The following NECTIN3 variants were observed in gnomAD, a reference collection of about 807,000 sequenced individuals.
The protein encoded by NECTIN3 is nectin-3.
In NECTIN3, 8 loss-of-function variants were observed where a neutral mutation model predicts 49.4. The ratio of observed to expected loss-of-function variants is 0.16; its 90% CI spans 0.10 to 0.29. The LOEUF (loss-of-function observed/expected upper bound fraction) is 0.29, where lower values mean the gene tolerates loss of function less well. Among genes scored for constraint, NECTIN3 ranks in the 10% least tolerant of loss-of-function variants. NECTIN3 has a pLI of 1.00. For synonymous variants in NECTIN3, 277 were observed against 241.1 expected (o/e 1.15, Z -1.38); for missense variants, 581 against 654.6 (o/e 0.89, Z 1.23).
chr3:111,154,021 A>G (rs2035050268), intron 7 of NECTIN3, among the ~76,000 whole-genome samples: 1 of 152,186 alleles, frequency 6.6e-6, no homozygotes, highest in Admixed American at 6.5e-5. Flanking sequence ...AGTAAACTGC[A>G]CATATTAAGA....
At chr3:111,105,794 C>T (rs1457103732) in intron 1 of NECTIN3, among the ~76,000 whole-genome samples, 1 of 152,198 alleles carries the variant, frequency 6.6e-6, no homozygotes, top group Non-Finnish European at 1.5e-5. Context: ...ACTTCGTCTA[C>T]TGCCTCTGAG....
At chr3:111,176,356 G>C (rs1436975388) in intron 7 of NECTIN3, among the ~76,000 whole-genome samples, 1 of 152,170 alleles carries the variant, frequency 6.6e-6, no homozygotes, top group Non-Finnish European at 1.5e-5. Context: ...CACTGGTGCT[G>C]TGAACTTTCA....
chr3:111,159,700 TA>T (rs2035171046), intron 7 of NECTIN3, among the ~76,000 whole-genome samples: 1 of 152,156 alleles, frequency 6.6e-6, no homozygotes, highest in African/African-American at 2.4e-5. Context: ...GCTTTCAGCT[TA>T]AAACACTTCG....
intron 7 of NECTIN3, among the ~76,000 whole-genome samples, chr3:111,176,379 A>G (rs2035528602): frequency 6.6e-6 from 1 of 152,126 alleles, no homozygotes; most frequent in Non-Finnish European, 1.5e-5. Flanking sequence ...CTAATCACTG[A>G]TGCTCTCTGG....
intron 2 of NECTIN3, among the ~76,000 whole-genome samples, chr3:111,115,636 G>A (rs1046581404): frequency 2.0e-5 from 3 of 152,144 alleles, no homozygotes; most frequent in Non-Finnish European, 2.9e-5. Flanking sequence ...CCTAACTCAC[G>A]GCTGACCTGA....
intron 1 of NECTIN3, chr3:111,072,735 A>G (rs917012462): frequency 2.5e-5 from 18 of 710,538 alleles, no homozygotes; most frequent in Middle Eastern, 3.9e-4. Flanking sequence ...CTCTGCCCTG[A>G]CAGCTTCTGG....
rs374450333 is a variant in NECTIN3, at chr3:111,180,830, T to G, written c.1222-11521T>G. ...TTTATTAAGAATTTAATATGTACTTTTTTCGTAGCAGATTCCAGACTATGT... is the reference window on the plus strand; with the variant it reads ...TTTATTAAGAATTTAATATGTACTTGTTTCGTAGCAGATTCCAGACTATGT... On this transcript the variant is annotated intron_variant, in intron 7 of 8. Transcript: ENST00000493615. Among the ~76,000 whole-genome samples the G allele has an allele frequency of 1.2e-4, 18 of 152,336 alleles. No homozygotes were observed. In the East Asian group the frequency reaches 1.9e-3, roughly 16 times the overall value.
At chr3:111,119,462 G>A (rs562587017) in intron 3 of NECTIN3, among the ~76,000 whole-genome samples, 1 of 152,258 alleles carries the variant, frequency 6.6e-6, no homozygotes, top group East Asian at 1.9e-4. Flanking sequence ...CTCCCAAGTA[G>A]CTGGGATTAC....
chr3:111,087,832 G>A (rs2032023607), intron 1 of NECTIN3, among the ~76,000 whole-genome samples: 1 of 151,768 alleles, frequency 6.6e-6, no homozygotes, highest in African/African-American at 2.4e-5. Context: ...TGAGTAGCTG[G>A]GATTACAGGC....
intron 2 of NECTIN3, among the ~76,000 whole-genome samples, chr3:111,116,561 A>G (rs922879143): frequency 5.9e-5 from 9 of 152,102 alleles, no homozygotes; most frequent in Non-Finnish European, 1.3e-4. Flanking sequence ...TAGAGTTTCA[A>G]TGGAGTGGTA....
chr3:111,181,049 G>A (rs2035619108), intron 7 of NECTIN3, among the ~76,000 whole-genome samples: 1 of 152,034 alleles, frequency 6.6e-6, no homozygotes, highest in Non-Finnish European at 1.5e-5. Flanking sequence ...ATTGCCCCAA[G>A]CAAGAACTTT....
Position 111,135,619 on chromosome 3 carries a change from AAGTT to A in NECTIN3, c.*1408_*1411del, listed in dbSNP as rs2034549985. 1.0e-6 allele frequency: 1 copy of A among 963,576 alleles called. No homozygotes were observed. The highest frequency in any genetic ancestry group is 1.8e-5 in the African/African-American group (1 of 56,778). 59.7% of individuals were successfully genotyped at this position (963,576 alleles called of 1,614,324 possible). The stretch of plus-strand genomic sequence containing the variant: ...CCATTTTGCCAGTGAAATGAAGTGG[AAGTT>A]AGTAGGAGAATCATAAATTAAATAT... On this transcript the variant is annotated 3_prime_UTR_variant, in exon 6 of 6. Transcript: ENST00000485303.
intron 1 of NECTIN3, among the ~76,000 whole-genome samples, chr3:111,094,206 A>G (rs997935598): frequency 2.0e-5 from 3 of 152,072 alleles, no homozygotes; most frequent in African/African-American, 7.2e-5. Flanking sequence ...CTGTGACAAT[A>G]CTTTTATATC....
rs369377020 is a variant in NECTIN3, at chr3:111,136,441, T to G, written c.*2226T>G. The G allele has an allele frequency of 5.3e-5, 52 of 984,210 alleles. No homozygotes were observed. The East Asian group carries it at 1.8e-3, about 34-fold the overall frequency. 61.0% of individuals were successfully genotyped at this position (984,210 alleles called of 1,614,324 possible). A position where few individuals can be genotyped will look rare whatever the true frequency, so the allele number is the denominator to read the frequency against. On this transcript the variant is annotated 3_prime_UTR_variant, in exon 6 of 6. Coordinates refer to ENST00000485303, the MANE Select transcript of NECTIN3 (RefSeq NM_015480.3). ...TATTTGACATATTCTGTATCCTTAA[T>G]CCAATCATTTGGCAAACTAAAAGGT...
At chr3:111,105,324 G>A (rs576218762) in intron 1 of NECTIN3, among the ~76,000 whole-genome samples, 15 of 151,568 alleles carry the variant, frequency 9.9e-5, no homozygotes, top group African/African-American at 3.6e-4. Flanking sequence ...GTAGAGATGG[G>A]GTTTGGCCAT....
chr3:111,102,175 A>G (rs2032941607), intron 1 of NECTIN3, among the ~76,000 whole-genome samples: 1 of 152,152 alleles, frequency 6.6e-6, no homozygotes. Flanking sequence ...ATCAATAGAA[A>G]TGGTGTATAT....
In NECTIN3 at chr3:111,130,930, A is replaced by C. The variant is rs533699256; in HGVS notation, c.1070-2705A>C. On this transcript the variant is annotated intron_variant, in intron 5 of 5. Transcript: ENST00000485303. Reference sequence around the variant, plus strand: ...TAGAAAAGCAAATTTTGATATGTCAAATAAGTGCCCCTATGTCTAAAACTC... The same window carrying C: ...TAGAAAAGCAAATTTTGATATGTCACATAAGTGCCCCTATGTCTAAAACTC... Among the ~76,000 whole-genome samples the C allele has an allele frequency of 3.2e-4, 48 of 152,236 alleles. 1 individual carries two copies. In the South Asian group the frequency reaches 9.3e-3, roughly 30 times the overall value.
chr3:111,165,334 T>A (rs1258398509), intron 7 of NECTIN3, among the ~76,000 whole-genome samples: 1 of 152,120 alleles, frequency 6.6e-6, no homozygotes, highest in African/African-American at 2.4e-5. Flanking sequence ...TGAGCCACCG[T>A]GCCCGGCCAG....
intron 1 of NECTIN3, among the ~76,000 whole-genome samples, chr3:111,085,699 T>A (rs2031883185): frequency 6.6e-6 from 1 of 151,344 alleles, no homozygotes; most frequent in Non-Finnish European, 1.5e-5. Flanking sequence ...CATGTAGCAG[T>A]ATTTTTTTTT....
Sources: gnomAD v4.1 joint callset for allele counts (sites outside exome capture counted in the v4.1 genomes callset) on GRCh38, gnomAD v4.1.1 for gene constraint, MANE v1.5 for transcripts, NCBI Gene and HGNC (gene_info 2026-07-23, HGNC 2026-07-21) for gene names.